The following TGFBRAP1 variants were observed in gnomAD, a reference collection of about 807,000 sequenced individuals.
The protein encoded by TGFBRAP1 is transforming growth factor-beta receptor-associated protein 1.
In TGFBRAP1, 20 loss-of-function variants were observed where a neutral mutation model predicts 83.2. That is an observed-to-expected ratio of 0.24 (90% confidence interval 0.17 to 0.35). The LOEUF is 0.35. TGFBRAP1 is among the 10% of genes least tolerant of loss of function. The pLI is 1.00. For missense variants in TGFBRAP1, 950 were observed against 1,099.4 expected (o/e 0.86, Z 1.92); for synonymous variants, 415 against 459.8 (o/e 0.90, Z 1.25).
Position 105,302,656 on chromosome 2 carries a change from A to G in TGFBRAP1, c.689-3951T>C, listed in dbSNP as rs572942783. ...AGAATAAACCCTAAAAATAAAGGTT[A>G]CCTATGGGAGAGGGAGACTTGGTAA... On this transcript the variant is annotated intron_variant, in intron 2 of 11. Transcript: ENST00000393359. Among the ~76,000 whole-genome samples the G allele has an allele frequency of 4.6e-5, 7 of 152,360 alleles. No individual in the cohort carries two copies. The South Asian group carries it at 1.2e-3, about 27-fold the overall frequency.
At chr2:105,311,299 A>C (rs944856920) in intron 1 of TGFBRAP1, among the ~76,000 whole-genome samples, 3 of 152,212 alleles carry the variant, frequency 2.0e-5, no homozygotes, top group African/African-American at 7.2e-5. Flanking sequence ...TAGGCCTTTA[A>C]ATTAAGGACT....
At chr2:105,290,772 G>A (rs1291411742) in intron 4 of TGFBRAP1, among the ~76,000 whole-genome samples, 5 of 151,972 alleles carry the variant, frequency 3.3e-5, no homozygotes, top group African/African-American at 1.2e-4. Flanking sequence ...TGGGAGGCCA[G>A]GATCGGCAGA....
chr2:105,314,949 C>CA (rs34579505), intron 1 of TGFBRAP1, among the ~76,000 whole-genome samples: 32,227 of 88,336 alleles, frequency 0.36, 4,965 homozygotes, highest in Non-Finnish European at 0.45. Flanking sequence ...GACTCTGTCT[C>CA]AAAAAAAAAA....
downstream of TGFBRAP1, among the ~76,000 whole-genome samples, chr2:105,262,244 T>G (rs1676805875): frequency 6.6e-6 from 1 of 152,138 alleles, no homozygotes; most frequent in African/African-American, 2.4e-5. Context: ...TGGGGCCTAG[T>G]GGGAGGTATT....
chr2:105,272,759 C>T, intron 10 of TGFBRAP1, 96 bp downstream of exon 10: 1 of 1,490,890 alleles, frequency 6.7e-7, no homozygotes, highest in Non-Finnish European at 9.1e-7. Context: ...CCTGTGCAAT[C>T]AACCAGCAGC....
chr2:105,303,430 C>G (rs983688224), intron 2 of TGFBRAP1, among the ~76,000 whole-genome samples: 1 of 152,106 alleles, frequency 6.6e-6, no homozygotes, highest in Non-Finnish European at 1.5e-5. Flanking sequence ...AAGAAATGTA[C>G]GAGGTGATCT....
At chr2:105,292,721 A>G (rs1677954800) in intron 4 of TGFBRAP1, among the ~76,000 whole-genome samples, 1 of 152,104 alleles carries the variant, frequency 6.6e-6, no homozygotes, top group Non-Finnish European at 1.5e-5. Flanking sequence ...AAAAGGGGGG[A>G]GGCAGTGAAC....
intron 1 of TGFBRAP1, among the ~76,000 whole-genome samples, chr2:105,326,283 A>G (rs1679225036): frequency 6.6e-6 from 1 of 152,210 alleles, no homozygotes; most frequent in Non-Finnish European, 1.5e-5. Context: ...TATAATATAC[A>G]TCCTATAAGA....
At chr2:105,304,854 T>C (rs1678442520) in intron 2 of TGFBRAP1, among the ~76,000 whole-genome samples, 1 of 151,944 alleles carries the variant, frequency 6.6e-6, no homozygotes, top group Non-Finnish European at 1.5e-5. Context: ...TACTGTATGG[T>C]CCCAACTAGA....
intron 4 of TGFBRAP1, among the ~76,000 whole-genome samples, chr2:105,294,688 A>G (rs1472317223): frequency 6.6e-6 from 1 of 152,176 alleles, no homozygotes; most frequent in Non-Finnish European, 1.5e-5. Context: ...CAAACAAACA[A>G]AAAAACCCTG....
At chr2:105,321,882 A>C (rs1194573322) in intron 1 of TGFBRAP1, among the ~76,000 whole-genome samples, 1 of 152,234 alleles carries the variant, frequency 6.6e-6, no homozygotes, top group Non-Finnish European at 1.5e-5. Context: ...ATATAATAAT[A>C]AATGACTATG....
At chr2:105,254,722 G>A in the TGFBRAP1 span, among the ~76,000 whole-genome samples, 3 of 152,016 alleles carry the variant, frequency 2.0e-5, no homozygotes, top group African/African-American at 7.3e-5. Context: ...CATGAATTGC[G>A]TCTCCCTTGC....
chr2:105,294,498 A>G (rs1273014034), intron 4 of TGFBRAP1, among the ~76,000 whole-genome samples: 1 of 152,190 alleles, frequency 6.6e-6, no homozygotes, highest in Non-Finnish European at 1.5e-5. Context: ...ATGGACTGCA[A>G]TCACACAAGG....
chr2:105,251,029 C>T, the TGFBRAP1 span, among the ~76,000 whole-genome samples: 2 of 152,254 alleles, frequency 1.3e-5, no homozygotes, highest in Non-Finnish European at 2.9e-5. Flanking sequence ...AGCTGCCTGC[C>T]TTGGCCTCCC....
chr2:105,309,659 A>G (rs1347080292), intron 1 of TGFBRAP1, among the ~76,000 whole-genome samples: 3 of 151,698 alleles, frequency 2.0e-5, no homozygotes, highest in Non-Finnish European at 4.4e-5. Context: ...GCTCTACAAA[A>G]CCCCCAGGAG....
Position 105,269,262 on chromosome 2 carries a change from C to G in TGFBRAP1, c.2406+10G>C, listed in dbSNP as rs974625476. On this transcript the variant is annotated intron_variant, in intron 11 of 11. Transcript: ENST00000393359. The surrounding 1 kb of genome is among the most constrained non-coding windows in gnomAD (Gnocchi z 4.1). ...TGACCAGGAAGCAGCTCGTGGGGGCCAGCACTTACCTTATCGTAGGTGTAG... is the reference window on the plus strand; with the variant it reads ...TGACCAGGAAGCAGCTCGTGGGGGCGAGCACTTACCTTATCGTAGGTGTAG... 2 of 1,581,370 alleles carry G rather than the reference C, an allele frequency of 1.3e-6. No individual in the cohort carries two copies. The highest frequency in any genetic ancestry group is 1.7e-6 in the Non-Finnish European group (2 of 1,156,742).
intron 1 of TGFBRAP1, among the ~76,000 whole-genome samples, chr2:105,315,353 A>G (rs1451325866): frequency 6.6e-6 from 1 of 152,066 alleles, no homozygotes; most frequent in Non-Finnish European, 1.5e-5. Context: ...GAAGAACAAA[A>G]CTGAAGGACC....
chr2:105,306,307 C>T (rs1172017325), intron 2 of TGFBRAP1, among the ~76,000 whole-genome samples: 2 of 152,058 alleles, frequency 1.3e-5, no homozygotes, highest in Non-Finnish European at 2.9e-5. Flanking sequence ...GGTGATCCAC[C>T]TGCTTTGGCC....
In TGFBRAP1 at chr2:105,269,493, T is replaced by G. The variant is rs1231606313; in HGVS notation, c.2185A>C (p.Thr729Pro). Residue 729 changes from threonine (T) to proline (P), a missense_variant, in exon 11 of 12, where the codon ACT becomes CCT. By Grantham distance (38) the Thr-to-Pro change is conservative. Coordinates refer to ENST00000393359, the MANE Select transcript of TGFBRAP1 (RefSeq NM_004257.6). This position sits in a 1 kb window ranked among gnomAD's most constrained non-coding sequence, Gnocchi z 4.1. ...LLAIYLHAGP[T>P]AHELAVAAVD... The stretch of plus-strand genomic sequence containing the variant: ...GCAGCCACGGCCAGCTCGTGGGCAG[T>G]GGGGCCAGCATGCAGGTAGATGGCC... 1.9e-6 allele frequency: 3 copies of G among 1,613,334 alleles called. No individual in the cohort carries two copies. The highest frequency in any genetic ancestry group is 1.7e-5 in the Admixed American group (1 of 59,960).
Sources: gnomAD v4.1 joint callset for allele counts (sites outside exome capture counted in the v4.1 genomes callset) on GRCh38, gnomAD v4.1.1 for gene constraint, Gnocchi (gnomAD v3.1) non-coding constraint, MANE v1.5 for transcripts, NCBI Gene and HGNC (gene_info 2026-07-23, HGNC 2026-07-21) for gene names.